The following SIPA1L1 variants were observed in gnomAD, a reference collection of about 807,000 sequenced individuals.
SIPA1L1 encodes the protein signal-induced proliferation-associated 1-like protein 1.
Under a neutral mutation model 162.7 loss-of-function variants are expected in SIPA1L1, and 26 were observed. That is an observed-to-expected ratio of 0.16 (90% CI 0.12 to 0.22). The LOEUF is 0.22. SIPA1L1 is among the 10% of genes least tolerant of loss of function. SIPA1L1 has a pLI of 1.00. For synonymous variants in SIPA1L1, 829 were observed against 837.4 expected, an observed-to-expected ratio of 0.99 and a Z score of 0.17; for missense variants, 1,874 against 2,241.0, an observed-to-expected ratio of 0.84 and a Z score of 3.31.
At chr14:71,392,558 C>T (rs995035012) in intron 2 of SIPA1L1, among the ~76,000 whole-genome samples, 10 of 152,192 alleles carry the variant, frequency 6.6e-5, no homozygotes, top group African/African-American at 2.2e-4. Flanking sequence ...TGAGGAGTCT[C>T]GCTCTGTCGC....
At chr14:71,565,867 A>G (rs945270603) in intron 4 of SIPA1L1, among the ~76,000 whole-genome samples, 1 of 152,124 alleles carries the variant, frequency 6.6e-6, no homozygotes, top group Non-Finnish European at 1.5e-5. Context: ...ATTTTTCCAT[A>G]TTCCTCTGAA....
chr14:71,700,269 G>A (rs1055048447), intron 14 of SIPA1L1, among the ~76,000 whole-genome samples: 23 of 152,292 alleles, frequency 1.5e-4, no homozygotes, highest in African/African-American at 4.3e-4. Context: ...AAGCAAGTGG[G>A]CACTGTGGTC....
intron 2 of SIPA1L1, among the ~76,000 whole-genome samples, chr14:71,469,869 G>A (rs1266590604): frequency 6.6e-6 from 1 of 152,192 alleles, no homozygotes; most frequent in African/African-American, 2.4e-5. Flanking sequence ...TAATTCATAA[G>A]TCATGCTCCG....
rs2043726976 is a variant in SIPA1L1 at position 71,428,241 on chromosome 14, C to A, written c.-464-84502C>A. Among the ~76,000 whole-genome samples the A allele has an allele frequency of 2.0e-5, 3 of 151,918 alleles. No individual in the cohort carries two copies. In the South Asian group the frequency reaches 6.2e-4, roughly 31 times the overall value. On this transcript the variant is annotated intron_variant, in intron 2 of 23. Transcript: ENST00000381232. Reference sequence around the variant, plus strand: ...GAACTCCTGACCTCAGGTGATTCCCCCCACCTCAGCCTCCCAAAATGCTGG... The same window carrying A: ...GAACTCCTGACCTCAGGTGATTCCCACCACCTCAGCCTCCCAAAATGCTGG...
chr14:71,732,366 G>A (rs2084872623), intron 20 of SIPA1L1, among the ~76,000 whole-genome samples: 1 of 152,166 alleles, frequency 6.6e-6, no homozygotes, highest in African/African-American at 2.4e-5. Context: ...CCTTCCAAGG[G>A]TGCTCCTTCT....
chr14:71,435,448 A>C (rs1445994283), intron 2 of SIPA1L1, among the ~76,000 whole-genome samples: 1 of 152,068 alleles, frequency 6.6e-6, no homozygotes, highest in Non-Finnish European at 1.5e-5. Context: ...TCCTTGTGAT[A>C]GGTTGCTGAG....
intron 4 of SIPA1L1, among the ~76,000 whole-genome samples, chr14:71,532,129 A>G (rs2053504734): frequency 6.6e-6 from 1 of 152,194 alleles, no homozygotes; most frequent in Non-Finnish European, 1.5e-5. Flanking sequence ...ATGTTACAGG[A>G]AGGAAAACAT....
At chr14:71,608,869 G>A (rs1322857931) in intron 5 of SIPA1L1, among the ~76,000 whole-genome samples, 1 of 152,048 alleles carries the variant, frequency 6.6e-6, no homozygotes, top group East Asian at 1.9e-4. Flanking sequence ...TCCAGCCTGG[G>A]TGACAAAGCG....
At chr14:71,555,300 A>G (rs1042904263) in intron 4 of SIPA1L1, among the ~76,000 whole-genome samples, 1 of 152,212 alleles carries the variant, frequency 6.6e-6, no homozygotes, top group Non-Finnish European at 1.5e-5. Context: ...GTGAGCTTGC[A>G]CTTTCATGTT....
intron 2 of SIPA1L1, among the ~76,000 whole-genome samples, chr14:71,361,841 T>C (rs552423966): frequency 6.6e-6 from 1 of 152,320 alleles, no homozygotes; most frequent in South Asian, 2.1e-4. Flanking sequence ...TAAGATTCAG[T>C]TGGGCAGCAG....
intron 2 of SIPA1L1, among the ~76,000 whole-genome samples, chr14:71,398,851 T>C (rs1160128398): frequency 6.6e-6 from 1 of 152,226 alleles, no homozygotes; most frequent in Non-Finnish European, 1.5e-5. Context: ...GTTGTGAACT[T>C]TTCAAAAGGA....
At chr14:71,590,043 AAATATATATATATATATAT>A (rs1234245679) in intron 5 of SIPA1L1, among the ~76,000 whole-genome samples, 10 of 61,566 alleles carry the variant, frequency 1.6e-4, no homozygotes, top group Non-Finnish European at 3.1e-4. Flanking sequence ...AAAAAAAAAA[AAATATATATATATATATAT>A]ATATATATAT....
At chr14:71,518,480 T>C (rs1344240363) in intron 3 of SIPA1L1, among the ~76,000 whole-genome samples, 1 of 152,224 alleles carries the variant, frequency 6.6e-6, no homozygotes, top group Non-Finnish European at 1.5e-5. Flanking sequence ...TAATAGTTGG[T>C]ATGGCAGATC....
chr14:71,561,998 A>C (rs2146628920), intron 4 of SIPA1L1, among the ~76,000 whole-genome samples: 1 of 152,314 alleles, frequency 6.6e-6, no homozygotes, highest in African/African-American at 2.4e-5. Flanking sequence ...ACGTTGTAAA[A>C]TGATACATTC....
At chr14:71,592,794 A>G (rs755358214) in intron 5 of SIPA1L1, among the ~76,000 whole-genome samples, 10 of 152,216 alleles carry the variant, frequency 6.6e-5, no homozygotes, top group Non-Finnish European at 1.2e-4. Flanking sequence ...TTTTAGTCCA[A>G]CATAGAAGCC....
chr14:71,711,424 G>A (rs529462547), intron 17 of SIPA1L1, among the ~76,000 whole-genome samples: 10 of 152,234 alleles, frequency 6.6e-5, no homozygotes, highest in African/African-American at 2.4e-4. Flanking sequence ...GTTTCTCTCT[G>A]GTTTTTAAGT....
At chr14:71,607,068 G>A (rs2037611334) in intron 5 of SIPA1L1, among the ~76,000 whole-genome samples, 1 of 151,860 alleles carries the variant, frequency 6.6e-6, no homozygotes, top group African/African-American at 2.4e-5. Context: ...GGGAATTGGG[G>A]GATGTAGGCA....
chr14:71,453,056 G>T (rs2045939334), intron 2 of SIPA1L1, among the ~76,000 whole-genome samples: 1 of 152,044 alleles, frequency 6.6e-6, no homozygotes, highest in Non-Finnish European at 1.5e-5. Context: ...TCCATGTTTA[G>T]TGAATTTTTG....
chr14:71,544,944 C>A (rs1454687439), intron 4 of SIPA1L1, among the ~76,000 whole-genome samples: 2 of 152,048 alleles, frequency 1.3e-5, no homozygotes, highest in East Asian at 1.9e-4. Flanking sequence ...CTCACTGCAG[C>A]CTTGAATCCC....
Sources: allele counts gnomAD v4.1 joint callset (sites outside exome capture counted in the v4.1 genomes callset), GRCh38; gene constraint gnomAD v4.1.1; transcripts MANE v1.5; gene names NCBI Gene and HGNC (gene_info 2026-07-23, HGNC 2026-07-21).